Variants in BTBD8 observed in about 807,000 individuals in gnomAD.
BTBD8 encodes BTB domain containing 8, also known as BTB/POZ domain-containing protein 8.
BTBD8 carries 110 observed loss-of-function variants against 162.9 expected under a neutral mutation model. That is an observed-to-expected ratio of 0.68 (90% CI 0.58 to 0.79). The LOEUF (loss-of-function observed/expected upper bound fraction) is 0.79. Ranked by LOEUF, BTBD8 falls within the 30% of genes least tolerant of loss-of-function variation. BTBD8 has a pLI of 0.00. For synonymous variants in BTBD8, 667 were observed against 716.1 expected (o/e 0.93, Z 1.10); for missense variants, 1,905 against 2,085.4 (o/e 0.91, Z 1.68).
intron 15 of BTBD8, 36 bp downstream of exon 15, chr1:92,177,934 G>A: frequency 1.9e-6 from 2 of 1,069,214 alleles, no homozygotes; most frequent in African/African-American, 1.6e-5. Context: ...CTATCTGTTA[G>A]CTTTCTCTCA....
At chr1:92,097,711 A>T (rs951853675) in intron 2 of BTBD8, among the ~76,000 whole-genome samples, 7 of 152,224 alleles carry the variant, frequency 4.6e-5, no homozygotes, top group Non-Finnish European at 1.0e-4. Context: ...GACACGTATC[A>T]ATACTTTATT....
intron 5 of BTBD8, among the ~76,000 whole-genome samples, chr1:92,137,312 G>A (rs199946967): frequency 6.6e-6 from 1 of 152,134 alleles, no homozygotes; most frequent in East Asian, 1.9e-4. Context: ...TAGTAATTTG[G>A]GAAATGGGAT....
rs1650887391 is a variant in BTBD8 at position 92,181,139 on chromosome 1, G to A, written c.3456G>A (p.Arg1152=). The A allele has an allele frequency of 6.4e-7, 1 of 1,551,524 alleles. No homozygotes were observed. Among genetic ancestry groups the A allele is most frequent in the African/African-American group, 1.4e-5 (1 of 73,142 alleles). ...VEDVSLCNPE[R]TNGTLNSAQE... ...ATGTTTCACTGTGTAATCCTGAAAG[G>A]ACAAATGGTACCTTAAATTCTGCTC... Residue 1152 remains arginine, a synonymous_variant, in exon 17 of 18, where the codon AGG becomes AGA. Coordinates refer to ENST00000636805, the MANE Select transcript of BTBD8 (RefSeq NM_001376131.1).
chr1:92,148,326 A>T (rs1451087973), intron 9 of BTBD8, among the ~76,000 whole-genome samples: 2 of 152,180 alleles, frequency 1.3e-5, no homozygotes, highest in Non-Finnish European at 2.9e-5. Flanking sequence ...CATTATCATG[A>T]TATTCCACAC....
chr1:92,178,553 G>T, intron 16 of BTBD8, 102 bp downstream of exon 16: 2 of 868,934 alleles, frequency 2.3e-6, no homozygotes, highest in Admixed American at 3.1e-5. Context: ...AGCAAAATAT[G>T]GTTTTACTCA....
At chr1:92,104,058 C>T (rs775911894) in intron 3 of BTBD8, among the ~76,000 whole-genome samples, 3 of 152,188 alleles carry the variant, frequency 2.0e-5, no homozygotes, top group Non-Finnish European at 4.4e-5. Context: ...CAGCTGAGTG[C>T]AGCTTTCTGC....
rs1476744679 is a variant in BTBD8, at chr1:92,181,401, G to A, written c.3718G>A (p.Gly1240Ser). The change falls in exon 17 of 18, where the codon GGT becomes AGT. Residue 1240 changes from glycine (G) to serine (S), a missense_variant. Physicochemically the swap from Gly to Ser is moderately conservative, Grantham distance 56. Coordinates refer to ENST00000636805, the MANE Select transcript of BTBD8 (RefSeq NM_001376131.1). Reference sequence around the variant, plus strand: ...TGTGGGTCACTGGAATTTGAGTACTGGTGTTCTGCATCAGCGAGAGAGTCC... The same window carrying A: ...TGTGGGTCACTGGAATTTGAGTACTAGTGTTCTGCATCAGCGAGAGAGTCC... ...PFVGHWNLST[G>S]VLHQRESPES... 5 of 1,551,552 alleles carry A rather than the reference G, an allele frequency of 3.2e-6. No homozygotes were observed. The South Asian group carries it at 4.8e-5, about 15-fold the overall frequency.
At chr1:92,123,328 A>T (rs1381034879) in intron 4 of BTBD8, among the ~76,000 whole-genome samples, 2 of 152,210 alleles carry the variant, frequency 1.3e-5, no homozygotes, top group South Asian at 2.1e-4. Context: ...TTTGGCAATT[A>T]GGGGTCCTTT....
intron 9 of BTBD8, among the ~76,000 whole-genome samples, chr1:92,156,843 G>T (rs922123941): frequency 2.0e-5 from 3 of 151,272 alleles, no homozygotes; most frequent in African/African-American, 7.3e-5. Flanking sequence ...TTTTTTCTTA[G>T]TATAAAGGAT....
At chr1:92,104,491 A>C (rs867075527) in intron 3 of BTBD8, among the ~76,000 whole-genome samples, 2 of 152,238 alleles carry the variant, frequency 1.3e-5, no homozygotes, top group Admixed American at 1.3e-4. Context: ...GAGGTCACAC[A>C]GAGCAATTGA....
At chr1:92,144,154 A>G (rs998495069) in intron 7 of BTBD8, among the ~76,000 whole-genome samples, 1 of 150,504 alleles carries the variant, frequency 6.6e-6, no homozygotes, top group Non-Finnish European at 1.5e-5. Context: ...TTGTATTTTT[A>G]GTAGAGACGG....
At chr1:92,082,847 TA>T (rs140384898) in intron 1 of BTBD8, among the ~76,000 whole-genome samples, 64 of 147,816 alleles carry the variant, frequency 4.3e-4, no homozygotes, top group African/African-American at 1.3e-3. Flanking sequence ...AGGGCAGTGG[TA>T]AAAAAAAAAC....
chr1:92,159,611 C>T (rs535621908), intron 9 of BTBD8, among the ~76,000 whole-genome samples: 9 of 152,290 alleles, frequency 5.9e-5, no homozygotes, highest in South Asian at 2.1e-4. Flanking sequence ...TGAATTTTCT[C>T]GGCTTTTGTT....
At chr1:92,171,313 T>C (rs1650537305) in intron 12 of BTBD8, 86 bp from the exon 13 acceptor site, 2 of 1,006,346 alleles carry the variant, frequency 2.0e-6, no homozygotes, top group Non-Finnish European at 1.5e-6. Context: ...AATATAACCT[T>C]TTTTCTACTG....
intron 9 of BTBD8, among the ~76,000 whole-genome samples, chr1:92,159,152 T>C (rs1214967497): frequency 1.3e-5 from 2 of 151,670 alleles, no homozygotes; most frequent in African/African-American, 4.9e-5. Flanking sequence ...TTTACATATA[T>C]TTTTCTTTTC....
chr1:92,080,469 G>C lies in BTBD8; in HGVS notation c.-103G>C. 2 of 1,523,206 alleles carry C rather than the reference G, an allele frequency of 1.3e-6. No individual in the cohort carries two copies. The highest frequency in any genetic ancestry group is 2.3e-5 in the East Asian group (1 of 42,756). The allele number at this position is 1,523,206 out of a possible 1,614,324, so 94.4% of individuals were successfully genotyped here. On this transcript the variant is annotated 5_prime_UTR_variant, in exon 1 of 18. Coordinates refer to ENST00000636805, the MANE Select transcript of BTBD8 (RefSeq NM_001376131.1). ...ACCTTTTACCCTAGGGGGCGGATTT[G>C]GGTAGGAGCCGAGCGTTCGGTCGGA...
intron 4 of BTBD8, among the ~76,000 whole-genome samples, chr1:92,108,250 A>G (rs1440383970): frequency 6.6e-6 from 1 of 152,250 alleles, no homozygotes; most frequent in African/African-American, 2.4e-5. Context: ...ATGTGCATGT[A>G]TATGTTTCTG....
At chr1:92,168,400 C>CA (rs34893160) in intron 11 of BTBD8, among the ~76,000 whole-genome samples, 2 of 151,672 alleles carry the variant, frequency 1.3e-5, no homozygotes, top group African/African-American at 4.8e-5. Context: ...TTTTTCTCTT[C>CA]AAAAAATCAT....
chr1:92,132,697 C>T (rs1649541085), intron 5 of BTBD8, among the ~76,000 whole-genome samples: 1 of 152,132 alleles, frequency 6.6e-6, no homozygotes, highest in African/African-American at 2.4e-5. Flanking sequence ...CAGTATTTTC[C>T]CTTAACTTTT....
Sources: allele counts gnomAD v4.1 joint callset (sites outside exome capture counted in the v4.1 genomes callset), GRCh38; gene constraint gnomAD v4.1.1; transcripts MANE v1.5; gene names NCBI Gene and HGNC (gene_info 2026-07-23, HGNC 2026-07-21).